The following TGFBR2 variants were observed in gnomAD, a reference collection of about 807,000 sequenced individuals.
TGFBR2 encodes the protein transforming growth factor beta receptor 2.
In TGFBR2, 18 loss-of-function variants were observed where a neutral mutation model predicts 49.0. The ratio of observed to expected loss-of-function variants is 0.37; its 90% CI spans 0.25 to 0.54. The LOEUF (loss-of-function observed/expected upper bound fraction) is 0.54. Ranked by LOEUF, TGFBR2 falls within the 20% of genes least tolerant of loss-of-function variation. The probability of loss-of-function intolerance (pLI) is 0.85; values close to 1 mark genes in which losing one functional copy is unlikely to be tolerated. For missense variants in TGFBR2, 525 were observed against 722.6 expected, an observed-to-expected ratio of 0.73 and a Z score of 3.13; for synonymous variants, 282 against 275.9, an observed-to-expected ratio of 1.02 and a Z score of -0.22.
In TGFBR2 at chr3:30,606,995, C is replaced by A; in HGVS notation, c.94+18C>A. On this transcript the variant is annotated intron_variant, in intron 1 of 6. Transcript: ENST00000295754. ...GAAGTCGGGTGAGTGGTCCCCAGCC[C>A]GGGCTCGGCGGGGCGCCGGGGGTCT... is the stretch of plus-strand genomic sequence containing the variant. 2.6e-6 allele frequency: 4 copies of A among 1,565,354 alleles called. No homozygotes were observed. Among genetic ancestry groups the A allele is most frequent in the Non-Finnish European group, 2.6e-6 (3 of 1,154,142 alleles).
intron 5 of TGFBR2, among the ~76,000 whole-genome samples, chr3:30,683,300 C>G (rs1699567136): frequency 1.3e-5 from 2 of 152,198 alleles, no homozygotes; most frequent in South Asian, 4.1e-4. Flanking sequence ...CTCAAACTCT[C>G]TGTTACAGAT....
At chr3:30,611,045 A>G (rs72849331) in intron 1 of TGFBR2, among the ~76,000 whole-genome samples, 4,846 of 152,320 alleles carry the variant, frequency 0.032, 278 homozygotes, top group African/African-American at 0.11. Context: ...AGTTTGAGGT[A>G]AATGTCTCCT....
chr3:30,663,011 C>T (rs1699164932), intron 3 of TGFBR2, among the ~76,000 whole-genome samples: 1 of 152,124 alleles, frequency 6.6e-6, no homozygotes, highest in Admixed American at 6.5e-5. Flanking sequence ...CCAGTAAGTT[C>T]CCAGGGGATG....
At chr3:30,660,647 C>T (rs944144386) in intron 3 of TGFBR2, among the ~76,000 whole-genome samples, 4 of 152,130 alleles carry the variant, frequency 2.6e-5, no homozygotes, top group East Asian at 1.9e-4. Flanking sequence ...TGTTTTACCC[C>T]ATCCTTGGAG....
chr3:30,664,274 A>G (rs1055114390), intron 3 of TGFBR2, among the ~76,000 whole-genome samples: 4 of 151,888 alleles, frequency 2.6e-5, no homozygotes, highest in East Asian at 3.9e-4. Flanking sequence ...GTGAGGCACC[A>G]TATCTTCCCC....
chr3:30,669,670 G>T (rs1454637605), intron 3 of TGFBR2, among the ~76,000 whole-genome samples: 1 of 152,164 alleles, frequency 6.6e-6, no homozygotes, highest in Non-Finnish European at 1.5e-5. Flanking sequence ...TGTACACATG[G>T]CTGACAAAGA....
chr3:30,653,618 T>C (rs1698941221), intron 3 of TGFBR2, among the ~76,000 whole-genome samples: 1 of 152,160 alleles, frequency 6.6e-6, no homozygotes, highest in Non-Finnish European at 1.5e-5. Context: ...ACAAAAGCTA[T>C]GAAGTGCATT....
At chr3:30,679,024 C>T (rs1699489804) in intron 5 of TGFBR2, among the ~76,000 whole-genome samples, 2 of 152,186 alleles carry the variant, frequency 1.3e-5, no homozygotes, top group Admixed American at 1.3e-4. Context: ...GATATTAAGG[C>T]TCCAAGCTCA....
intron 1 of TGFBR2, among the ~76,000 whole-genome samples, chr3:30,630,025 G>C (rs1432876179): frequency 1.3e-5 from 2 of 152,068 alleles, no homozygotes; most frequent in African/African-American, 4.8e-5. Flanking sequence ...TCTCATTTTT[G>C]CTTCTCTTTC....
intron 1 of TGFBR2, among the ~76,000 whole-genome samples, chr3:30,616,064 A>G (rs1221586288): frequency 6.6e-6 from 1 of 152,112 alleles, no homozygotes; most frequent in Non-Finnish European, 1.5e-5. Flanking sequence ...TTAATTCTAA[A>G]TAAATATTCA....
At chr3:30,616,955 T>C (rs968546569) in intron 1 of TGFBR2, among the ~76,000 whole-genome samples, 1 of 152,174 alleles carries the variant, frequency 6.6e-6, no homozygotes, top group African/African-American at 2.4e-5. Context: ...AATTATGGTA[T>C]TTTCATTCTC....
intron 1 of TGFBR2, among the ~76,000 whole-genome samples, chr3:30,634,838 G>A (rs1302650312): frequency 1.3e-5 from 2 of 152,176 alleles, no homozygotes; most frequent in Non-Finnish European, 2.9e-5. Flanking sequence ...GAGGCATAAA[G>A]TTATTATTTT....
chr3:30,642,999 A>G (rs1264961271), intron 1 of TGFBR2, among the ~76,000 whole-genome samples: 2 of 152,094 alleles, frequency 1.3e-5, no homozygotes, highest in Non-Finnish European at 2.9e-5. Flanking sequence ...TTTCTTCTAT[A>G]TTTACTGTTA....
chr3:30,664,502 A>G (rs987277244), intron 3 of TGFBR2, among the ~76,000 whole-genome samples: 5 of 152,238 alleles, frequency 3.3e-5, no homozygotes, highest in African/African-American at 7.2e-5. Flanking sequence ...CAAATGTCAA[A>G]TTCTTTTTTT....
chr3:30,617,736 C>T (rs991869673), intron 1 of TGFBR2, among the ~76,000 whole-genome samples: 1 of 152,154 alleles, frequency 6.6e-6, no homozygotes, highest in Non-Finnish European at 1.5e-5. Context: ...ATAACAGCAA[C>T]TGAAGATGTT....
At chr3:30,671,336 G>A (rs1449843838) in intron 3 of TGFBR2, among the ~76,000 whole-genome samples, 1 of 152,154 alleles carries the variant, frequency 6.6e-6, no homozygotes, top group Non-Finnish European at 1.5e-5. Context: ...CCTAGGAAAA[G>A]TATAAGGTGC....
At chr3:30,633,405 T>C (rs1264903763) in intron 1 of TGFBR2, among the ~76,000 whole-genome samples, 1 of 152,234 alleles carries the variant, frequency 6.6e-6, no homozygotes, top group Non-Finnish European at 1.5e-5. Context: ...TGAACTGAAA[T>C]GTGATTATAC....
chr3:30,642,758 T>C (rs986926493), intron 1 of TGFBR2, among the ~76,000 whole-genome samples: 2 of 152,230 alleles, frequency 1.3e-5, no homozygotes, highest in Non-Finnish European at 2.9e-5. Context: ...TAAAGTGTTA[T>C]TAGTTGTTTC....
chr3:30,656,085 T>G (rs1698990807), intron 3 of TGFBR2, among the ~76,000 whole-genome samples: 1 of 152,156 alleles, frequency 6.6e-6, no homozygotes, highest in African/African-American at 2.4e-5. Flanking sequence ...GATGGAGGTC[T>G]TATTAACTTC....
Sources: gnomAD v4.1 joint callset for allele counts (sites outside exome capture counted in the v4.1 genomes callset) on GRCh38, gnomAD v4.1.1 for gene constraint, MANE v1.5 for transcripts, NCBI Gene and HGNC (gene_info 2026-07-23, HGNC 2026-07-21) for gene names.